The following CEP128 variants were observed in gnomAD, a reference collection of about 807,000 sequenced individuals.
CEP128 encodes centrosomal protein 128kDa.
In CEP128, 132 loss-of-function variants were observed where a neutral mutation model predicts 156.7. The ratio of observed to expected loss-of-function variants is 0.84; its 90% CI spans 0.73 to 0.97. The LOEUF is 0.97. Ranked by LOEUF, CEP128 falls within the 50% of genes least tolerant of loss-of-function variation. CEP128 has a pLI of 0.00. For missense variants in CEP128, 1,252 were observed against 1,281.9 expected (o/e 0.98, Z 0.36); for synonymous variants, 469 against 448.9 (o/e 1.04, Z -0.57).
intron 2 of CEP128, chr14:80,955,285 AGAG>A (rs1886595517): frequency 8.3e-6 from 3 of 360,194 alleles, no homozygotes; most frequent in South Asian, 8.0e-5. Flanking sequence ...TTGGATTTAA[AGAG>A]GAGGAAAGGA....
At chr14:80,870,310 C>A (rs144372837) in intron 8 of CEP128, among the ~76,000 whole-genome samples, 37 of 152,136 alleles carry the variant, frequency 2.4e-4, no homozygotes, top group African/African-American at 7.5e-4. Context: ...AAGCCAATAT[C>A]CCCGATGAAC....
chr14:80,895,838 T>C (rs1889327954), intron 7 of CEP128, 48 bp from the exon 8 acceptor site: 4 of 1,279,736 alleles, frequency 3.1e-6, no homozygotes, highest in African/African-American at 1.5e-5. Flanking sequence ...ATTTAGAAAA[T>C]ACACAGAACG....
At chr14:80,667,691 T>C (rs1895676185) in intron 19 of CEP128, among the ~76,000 whole-genome samples, 1 of 151,852 alleles carries the variant, frequency 6.6e-6, no homozygotes, top group Non-Finnish European at 1.5e-5. Flanking sequence ...ACCCCGTCTC[T>C]ACTAAAAATA....
intron 22 of CEP128, among the ~76,000 whole-genome samples, chr14:80,529,145 C>A (rs980119022): frequency 6.6e-6 from 1 of 152,122 alleles, no homozygotes; most frequent in Non-Finnish European, 1.5e-5. Flanking sequence ...GAAAATAACA[C>A]CCATCTATAG....
At chr14:80,949,118 T>C (rs2195103) in intron 2 of CEP128, among the ~76,000 whole-genome samples, 64,938 of 151,928 alleles carry the variant, frequency 0.43, 14,234 homozygotes, top group Middle Eastern at 0.53. Flanking sequence ...AGGCAAGATA[T>C]ACGAAGCAAT....
At chr14:80,670,896 T>A (rs1895813364) in intron 19 of CEP128, among the ~76,000 whole-genome samples, 1 of 152,250 alleles carries the variant, frequency 6.6e-6, no homozygotes, top group Non-Finnish European at 1.5e-5. Context: ...GGATTTTTTA[T>A]CAGTGAGAGA....
chr14:80,515,522 C>T (rs907498495), intron 23 of CEP128, among the ~76,000 whole-genome samples: 1 of 152,178 alleles, frequency 6.6e-6, no homozygotes, highest in Non-Finnish European at 1.5e-5. Context: ...TACCGATGTT[C>T]GCTCAAACAA....
At position 80,743,109 on chromosome 14, in the gene CEP128, C is replaced by T. The variant is rs371653271; in HGVS notation, c.2772G>A (p.Glu924=). ...QCLFQQIERQ[E]QLLDEIHREK... ...CACGATGTATTTCATCCAGAAGCTG[C>T]TCCTGCCTTTCTATCTGTTGAAAGA... The change falls in exon 19 of 25, where the codon GAG becomes GAA. Residue 924 remains glutamate (E), a synonymous_variant. Coordinates refer to ENST00000555265, the MANE Select transcript of CEP128 (RefSeq NM_152446.5). 16 of 1,613,690 alleles carry T rather than the reference C, an allele frequency of 9.9e-6. No homozygotes were observed. Among genetic ancestry groups the T allele is most frequent in the East Asian group, 2.2e-5 (1 of 44,856 alleles).
At chr14:80,768,555 A>C (rs1900356847) in intron 16 of CEP128, among the ~76,000 whole-genome samples, 1 of 152,186 alleles carries the variant, frequency 6.6e-6, no homozygotes, top group Non-Finnish European at 1.5e-5. Flanking sequence ...TTTCCTCCAA[A>C]AGAGGGGAAG....
downstream of CEP128, among the ~76,000 whole-genome samples, chr14:80,487,711 G>A (rs1386940532): frequency 2.6e-5 from 4 of 152,108 alleles, no homozygotes; most frequent in African/African-American, 9.7e-5. Context: ...TAGAACTCAG[G>A]ACTAAGAAAC....
intron 8 of CEP128, among the ~76,000 whole-genome samples, chr14:80,884,349 A>G (rs1595544437): frequency 6.6e-6 from 1 of 152,200 alleles, no homozygotes; most frequent in South Asian, 2.1e-4. Context: ...ATTAATAACC[A>G]TTATACAGAG....
intron 19 of CEP128, among the ~76,000 whole-genome samples, chr14:80,596,509 T>A (rs1414230307): frequency 6.6e-6 from 1 of 151,696 alleles, no homozygotes; most frequent in African/African-American, 2.4e-5. Context: ...ATACCAGGAA[T>A]TGGATAAAAA....
intron 14 of CEP128, among the ~76,000 whole-genome samples, chr14:80,790,448 T>C (rs1477809109): frequency 1.3e-5 from 2 of 152,136 alleles, no homozygotes; most frequent in Non-Finnish European, 2.9e-5. Context: ...GACTAGATTA[T>C]TTGTATCTAT....
chr14:80,731,914 T>C (rs756249295), intron 19 of CEP128, among the ~76,000 whole-genome samples: 3 of 152,198 alleles, frequency 2.0e-5, no homozygotes, highest in Non-Finnish European at 4.4e-5. Flanking sequence ...AATAAATCAA[T>C]AAGGCTATGT....
chr14:80,655,588 A>C (rs935496783), intron 19 of CEP128, among the ~76,000 whole-genome samples: 50 of 152,254 alleles, frequency 3.3e-4, no homozygotes, highest in African/African-American at 8.4e-4. Context: ...TTCAGAGAAC[A>C]ACCACCTCTG....
At chr14:80,567,338 G>C (rs1302633063) in intron 20 of CEP128, among the ~76,000 whole-genome samples, 1 of 152,068 alleles carries the variant, frequency 6.6e-6, no homozygotes. Flanking sequence ...ATACAAGTGG[G>C]GAAAACAAAG....
intron 8 of CEP128, among the ~76,000 whole-genome samples, chr14:80,863,637 T>G (rs228118): frequency 0.69 from 104,305 of 152,064 alleles, 36,902 homozygotes; most frequent in African/African-American, 0.87. Context: ...ATTTGGTACA[T>G]AAGGACACAG....
intron 19 of CEP128, among the ~76,000 whole-genome samples, chr14:80,739,783 G>A (rs539559596): frequency 1.2e-4 from 18 of 152,042 alleles, no homozygotes; most frequent in Non-Finnish European, 1.6e-4. Flanking sequence ...ATACCGTCAC[G>A]AAATGAATAA....
In CEP128 at chr14:80,729,058, G is replaced by GGGTGTGTGTGTGTGTGTGTGTGTGTGTGT. The variant is rs1898141728; in HGVS notation, c.2806+14016_2806+14017insACACACACACACACACACACACACACACC. 2.9e-5 allele frequency among the ~76,000 whole-genome samples: 3 copies of GGGTGTGTGTGTGTGTGTGTGTGTGTGTGT among 105,056 alleles called. 1 individual carries two copies. Among genetic ancestry groups the GGGTGTGTGTGTGTGTGTGTGTGTGTGTGT allele is most frequent in the Middle Eastern group, 9.5e-3 (2 of 210 alleles). 68.9% of individuals were successfully genotyped at this position (105,056 alleles called of 152,430 possible). Reference sequence around the variant, plus strand: ...CCTAGTCCCAGGCTGGGCTGGTGGGGGTGTGTGTGTGTGTGTGTGTGTGTG... The same window carrying GGGTGTGTGTGTGTGTGTGTGTGTGTGTGT: ...CCTAGTCCCAGGCTGGGCTGGTGGGGGGTGTGTGTGTGTGTGTGTGTGTGTGTGTGTGTGTGTGTGTGTGTGTGTGTGTG... On this transcript the variant is annotated intron_variant, in intron 19 of 24. Transcript: ENST00000555265.
Sources: allele counts gnomAD v4.1 joint callset (sites outside exome capture counted in the v4.1 genomes callset), GRCh38; gene constraint gnomAD v4.1.1; transcripts MANE v1.5; gene names NCBI Gene and HGNC (gene_info 2026-07-23, HGNC 2026-07-21).